Variants in VPS35L observed in about 807,000 individuals in gnomAD.
VPS35L encodes VPS35 endosomal protein sorting factor like, also known as VPS35 endosomal protein-sorting factor-like.
Under a neutral mutation model 133.0 loss-of-function variants are expected in VPS35L, and 83 were observed. The observed-to-expected ratio is 0.62, with a 90% CI of 0.52 to 0.75. VPS35L has a LOEUF of 0.75. Ranked by LOEUF, VPS35L falls within the 30% of genes least tolerant of loss-of-function variation. The pLI is 0.00. For synonymous variants in VPS35L, 423 were observed against 449.9 expected (o/e 0.94, Z 0.76); for missense variants, 1,083 against 1,206.8 (o/e 0.90, Z 1.52).
chr16:19,606,052 T>G (rs1972528492), intron 9 of VPS35L, among the ~76,000 whole-genome samples: 1 of 152,228 alleles, frequency 6.6e-6, no homozygotes, highest in South Asian at 2.1e-4. Flanking sequence ...AATTATCTCT[T>G]GAGCTGGAAG....
rs1186616027 is a variant in VPS35L at position 19,700,571 on chromosome 16, A to G, written c.*95A>G. On this transcript the variant is annotated 3_prime_UTR_variant, in exon 31 of 31. Coordinates refer to ENST00000417362, the MANE Select transcript of VPS35L (RefSeq NM_020314.7). Reference sequence around the variant, plus strand: ...ACTCTTACGGCAATTTAGGTTTCTCATTTTTCTTTTCTTTTTACATATGTA... The same window carrying G: ...ACTCTTACGGCAATTTAGGTTTCTCGTTTTTCTTTTCTTTTTACATATGTA... The G allele has an allele frequency of 2.9e-6, 3 of 1,039,780 alleles. No individual in the cohort carries two copies. Among genetic ancestry groups the G allele is most frequent in the Non-Finnish European group, 4.4e-6 (3 of 689,524 alleles). 64.4% of individuals were successfully genotyped at this position (1,039,780 alleles called of 1,614,324 possible).
chr16:19,645,978 G>T (rs560709993), intron 23 of VPS35L, among the ~76,000 whole-genome samples: 2 of 151,704 alleles, frequency 1.3e-5, no homozygotes, highest in African/African-American at 2.4e-5. Flanking sequence ...GTTTTTTTTG[G>T]GGGGGTCGAG....
intron 26 of VPS35L, 94 bp from the exon 27 acceptor site, chr16:19,669,066 A>C: frequency 7.4e-7 from 1 of 1,349,738 alleles, no homozygotes; most frequent in Non-Finnish European, 1.0e-6. Flanking sequence ...GCTTCTACCT[A>C]ACTCTCAGGA....
intron 7 of VPS35L, among the ~76,000 whole-genome samples, chr16:19,585,931 T>G (rs1252131065): frequency 6.6e-6 from 1 of 152,102 alleles, no homozygotes; most frequent in Non-Finnish European, 1.5e-5. Context: ...AAGGTCTTGC[T>G]CTATGACTCC....
At chr16:19,686,461 G>C (rs1021442158) in intron 28 of VPS35L, among the ~76,000 whole-genome samples, 4 of 152,160 alleles carry the variant, frequency 2.6e-5, no homozygotes, top group African/African-American at 9.7e-5. Context: ...TATTTAGTAT[G>C]CAGATAGAGT....
At chr16:19,587,765 A>G (rs1017377544) in intron 7 of VPS35L, among the ~76,000 whole-genome samples, 4 of 151,524 alleles carry the variant, frequency 2.6e-5, no homozygotes, top group Admixed American at 6.6e-5. Flanking sequence ...CTGTTGATCC[A>G]TAAGTCAATC....
chr16:19,573,026 C>T, intron 3 of VPS35L, 93 bp from the exon 4 acceptor site: 6 of 1,341,698 alleles, frequency 4.5e-6, no homozygotes, highest in Non-Finnish European at 6.0e-6. Flanking sequence ...TTTTATTCCA[C>T]AGTAAAGGAC....
At chr16:19,647,763 C>T (rs748231559) in intron 23 of VPS35L, 21 bp from the exon 24 acceptor site, 9 of 1,588,480 alleles carry the variant, frequency 5.7e-6, no homozygotes, top group South Asian at 2.2e-5. Context: ...TCCCTTTCAG[C>T]GTCTTTCTCC....
chr16:19,618,005 T>G (rs746628934), intron 14 of VPS35L: 1 of 150,548 alleles, frequency 6.6e-6, no homozygotes, highest in African/African-American at 2.5e-5. Flanking sequence ...GAGAATCGCT[T>G]GAACCTGGGA....
At position 19,645,012 on chromosome 16, in the gene VPS35L, TTGGCG is replaced by T. The variant is rs1973896045; in HGVS notation, c.1929+64_1929+68del. ...TGTGATGTAATTGTTTATCCTTATG[TTGGCG>T]AAAGCAGTTAACATTATGTTCTCTG... On this transcript the variant is annotated intron_variant, in intron 23 of 30. Transcript: ENST00000417362. 7 of 1,187,766 alleles carry T rather than the reference TTGGCG, an allele frequency of 5.9e-6. No individual in the cohort carries two copies. In the South Asian group the frequency reaches 9.4e-5, roughly 16 times the overall value. 73.6% of individuals were successfully genotyped at this position (1,187,766 alleles called of 1,614,324 possible). A position where few individuals can be genotyped will look rare whatever the true frequency, so the allele number is the denominator to read the frequency against.
chr16:19,626,334 A>T (rs901623929), intron 15 of VPS35L, 111 bp downstream of exon 15: 1 of 825,528 alleles, frequency 1.2e-6, no homozygotes, highest in Non-Finnish European at 2.0e-6. Flanking sequence ...GCAGGACTGC[A>T]TGGAGGTTTA....
chr16:19,654,358 G>C (rs144795663), intron 26 of VPS35L, among the ~76,000 whole-genome samples: 2 of 138,326 alleles, frequency 1.4e-5, no homozygotes, highest in African/African-American at 3.4e-5. Flanking sequence ...GGACAGGCAC[G>C]TGTCCTCACT....
intron 7 of VPS35L, among the ~76,000 whole-genome samples, chr16:19,588,975 C>T (rs1971958221): frequency 6.6e-6 from 1 of 152,102 alleles, no homozygotes; most frequent in Admixed American, 6.6e-5. Context: ...TTTAATTTTT[C>T]CAGTCATATT....
At chr16:19,678,254 T>C (rs1195487239) in intron 27 of VPS35L, among the ~76,000 whole-genome samples, 2 of 152,034 alleles carry the variant, frequency 1.3e-5, no homozygotes, top group Non-Finnish European at 2.9e-5. Context: ...ATGTGGTAGG[T>C]GTTGGGCCAG....
At chr16:19,569,682 C>T in intron 3 of VPS35L, 91 bp downstream of exon 3, 1 of 1,306,468 alleles carries the variant, frequency 7.7e-7, no homozygotes, top group Admixed American at 3.2e-5. Flanking sequence ...TTTTTTTTCC[C>T]CTGAGAGACA....
intron 28 of VPS35L, among the ~76,000 whole-genome samples, chr16:19,684,347 T>C (rs1975385587): frequency 6.6e-6 from 1 of 152,200 alleles, no homozygotes; most frequent in Non-Finnish European, 1.5e-5. Context: ...CCAGTAATTG[T>C]ATACTTTACA....
At position 19,699,403 on chromosome 16, in the gene VPS35L, C is replaced by A. The variant is rs1386055597; in HGVS notation, c.2647-99C>A. ...ACATGGCAGAGCTGGCACTGGAACT[C>A]AGGCATGACCTACCCCAGAGTCAGC... On this transcript the variant is annotated intron_variant, in intron 29 of 30. Transcript: ENST00000417362. The surrounding 1 kb of genome is among the most constrained non-coding windows in gnomAD (Gnocchi z 4.2). 1 of 1,447,304 alleles carries A rather than the reference C, an allele frequency of 6.9e-7. No homozygotes were observed. 89.7% of individuals were successfully genotyped at this position (1,447,304 alleles called of 1,614,324 possible).
At chr16:19,668,619 T>TGTGTGTGTGTGC (rs1555506380) in intron 26 of VPS35L, among the ~76,000 whole-genome samples, 2 of 151,808 alleles carry the variant, frequency 1.3e-5, no homozygotes, top group Non-Finnish European at 2.9e-5. Context: ...TGTGTGTGTG[T>TGTGTGTGTGTGC]GCTGTGTTCC....
At chr16:19,634,063 C>T (rs1973545689) in intron 19 of VPS35L, among the ~76,000 whole-genome samples, 1 of 152,038 alleles carries the variant, frequency 6.6e-6, no homozygotes, top group South Asian at 2.1e-4. Flanking sequence ...TTATCATTCA[C>T]GCATTCCACA....
Sources: gnomAD v4.1 joint callset for allele counts (sites outside exome capture counted in the v4.1 genomes callset) on GRCh38, gnomAD v4.1.1 for gene constraint, Gnocchi (gnomAD v3.1) non-coding constraint, MANE v1.5 for transcripts, NCBI Gene and HGNC (gene_info 2026-07-23, HGNC 2026-07-21) for gene names.